Variants in CFAP53 observed in about 807,000 individuals in gnomAD.
The protein encoded by CFAP53 is cilia and flagella associated protein 53, also known as cilia- and flagella-associated protein 53.
A neutral mutation model predicts 59.7 loss-of-function variants in CFAP53; 62 were observed. That is an observed-to-expected ratio of 1.04 (90% CI 0.85 to 1.28). CFAP53 has a LOEUF of 1.28. Among genes scored for constraint, CFAP53 ranks in the 50% most tolerant of loss-of-function variants. The probability of loss-of-function intolerance (pLI) is 0.00; values close to 1 mark genes in which losing one functional copy is unlikely to be tolerated. For synonymous variants in CFAP53, 218 were observed against 205.7 expected (o/e 1.06, Z -0.51); for missense variants, 629 against 615.6 (o/e 1.02, Z -0.23).
chr18:50,262,856 A>G (rs539815042), intron 1 of CFAP53, among the ~76,000 whole-genome samples: 1 of 152,224 alleles, frequency 6.6e-6, no homozygotes, highest in South Asian at 2.1e-4. Flanking sequence ...AGGGAAAAGA[A>G]AAAAAGCTGG....
chr18:50,227,840 C>T (rs139224417), intron 7 of CFAP53, among the ~76,000 whole-genome samples: 5 of 151,582 alleles, frequency 3.3e-5, no homozygotes, highest in South Asian at 4.2e-4. Context: ...CTTCCCTGCT[C>T]GTAATGTTCA....
chr18:50,259,595 G>T (rs986133061), intron 3 of CFAP53, among the ~76,000 whole-genome samples: 1 of 151,988 alleles, frequency 6.6e-6, no homozygotes, highest in Non-Finnish European at 1.5e-5. Flanking sequence ...CACCATGCCC[G>T]GCTAATTTTT....
At chr18:50,258,626 T>C (rs2033865460) in intron 3 of CFAP53, among the ~76,000 whole-genome samples, 2 of 152,156 alleles carry the variant, frequency 1.3e-5, no homozygotes, top group Non-Finnish European at 2.9e-5. Flanking sequence ...GTTAAAAAGC[T>C]TCTGCACAGC....
In CFAP53 at chr18:50,261,234, T is replaced by G; in HGVS notation, c.303A>C (p.Leu101=). The G allele has an allele frequency of 7.0e-7, 1 of 1,437,304 alleles. No homozygotes were observed. The allele number at this position is 1,437,304 out of a possible 1,614,324, so 89.0% of individuals were successfully genotyped here. The change falls in exon 3 of 8, where the codon CTA becomes CTC. Residue 101 remains leucine (L), a synonymous_variant. Transcript: ENST00000398545. ...IINIEERRNK[L]RELLALEENE... ...TTTCTTCTAATGCTAAAAGCTCACGTAGCCTGAAACAAAAAGCCAAAAAAA... is the reference window on the plus strand; with the variant it reads ...TTTCTTCTAATGCTAAAAGCTCACGGAGCCTGAAACAAAAAGCCAAAAAAA...
At chr18:50,237,694 T>A (rs2033651323) in intron 7 of CFAP53, among the ~76,000 whole-genome samples, 1 of 151,988 alleles carries the variant, frequency 6.6e-6, no homozygotes, top group African/African-American at 2.4e-5. Context: ...GGGAAGAGAC[T>A]GAGATGGTAT....
chr18:50,227,728 T>C lies in CFAP53; in HGVS notation c.1317-119A>G, dbSNP rs75546967. Reference sequence around the variant, plus strand: ...AATTAAATTCCCATTAAAATCAGGGTGAGTGGAGAAGAAATAGATGAAAAA... The same window carrying C: ...AATTAAATTCCCATTAAAATCAGGGCGAGTGGAGAAGAAATAGATGAAAAA... On this transcript the variant is annotated intron_variant, in intron 7 of 7. Coordinates refer to ENST00000398545, the MANE Select transcript of CFAP53 (RefSeq NM_145020.5). The C allele has an allele frequency of 4.2e-3, 3,161 of 752,606 alleles. 65 individuals are homozygous for C. In the African/African-American group the frequency reaches 0.047, roughly 11 times the overall value. The allele number at this position is 752,606 out of a possible 1,614,324, so 46.6% of individuals were successfully genotyped here.
At chr18:50,241,960 T>C (rs977549106) in intron 6 of CFAP53, among the ~76,000 whole-genome samples, 17 of 152,120 alleles carry the variant, frequency 1.1e-4, no homozygotes, top group African/African-American at 2.9e-4. Context: ...TCAGTCCTTA[T>C]CTCAACCGCA....
At chr18:50,240,703 A>T (rs1388931026) in intron 6 of CFAP53, among the ~76,000 whole-genome samples, 1 of 152,168 alleles carries the variant, frequency 6.6e-6, no homozygotes, top group African/African-American at 2.4e-5. Flanking sequence ...CAGCATATAA[A>T]CTTTCTACGC....
At chr18:50,239,988 T>C (rs1185237905) in intron 6 of CFAP53, among the ~76,000 whole-genome samples, 1 of 152,258 alleles carries the variant, frequency 6.6e-6, no homozygotes, top group Non-Finnish European at 1.5e-5. Flanking sequence ...AAAGAATCAA[T>C]ATGTCAGTAT....
At chr18:50,260,176 T>G (rs1419896424) in intron 3 of CFAP53, among the ~76,000 whole-genome samples, 1 of 152,098 alleles carries the variant, frequency 6.6e-6, no homozygotes, top group East Asian at 1.9e-4. Context: ...CAGAGTATCC[T>G]ACGATGGAAA....
chr18:50,231,444 T>C (rs1326584434), intron 7 of CFAP53, among the ~76,000 whole-genome samples: 1 of 152,200 alleles, frequency 6.6e-6, no homozygotes, highest in Non-Finnish European at 1.5e-5. Context: ...TTTCCCAACT[T>C]AGGAACCTCA....
chr18:50,261,418 A>G (rs1438900282), intron 2 of CFAP53, among the ~76,000 whole-genome samples, 181 bp from the exon 3 acceptor site: 2 of 152,064 alleles, frequency 1.3e-5, no homozygotes, highest in Admixed American at 1.3e-4. Flanking sequence ...GTTTTGAGAC[A>G]GGATCTCGCT....
chr18:50,243,680 A>C (rs1375791276), intron 5 of CFAP53, among the ~76,000 whole-genome samples: 1 of 152,178 alleles, frequency 6.6e-6, no homozygotes, highest in Admixed American at 6.5e-5. Flanking sequence ...GGCTGGGCTC[A>C]GTGGCTCAAG....
At position 50,241,523 on chromosome 18, in the gene CFAP53, C is replaced by G. The variant is rs937019705; in HGVS notation, c.1213+1377G>C. 1.1e-4 allele frequency among the ~76,000 whole-genome samples: 17 copies of G among 152,124 alleles called. 1 individual carries two copies. The highest frequency in any genetic ancestry group is 1.1e-3 in the Admixed American group (17 of 15,270). ...TTGGGGGAACCAGCCCCCAATATTT[C>G]AACGTAGGTCCTTTCTATTTTCCCT... On this transcript the variant is annotated intron_variant, in intron 6 of 7. Coordinates refer to ENST00000398545, the MANE Select transcript of CFAP53 (RefSeq NM_145020.5).
intron 6 of CFAP53, among the ~76,000 whole-genome samples, chr18:50,240,341 C>T (rs554402577): frequency 1.1e-4 from 16 of 152,334 alleles, no homozygotes; most frequent in Middle Eastern, 3.4e-3. Context: ...ATTCCAATTA[C>T]CTGCTCTGCC....
chr18:50,235,408 A>G (rs1487683685), intron 7 of CFAP53, among the ~76,000 whole-genome samples: 1 of 151,988 alleles, frequency 6.6e-6, no homozygotes, highest in Non-Finnish European at 1.5e-5. Flanking sequence ...TCTACTAAAA[A>G]TTACAAAAAT....
rs371092936 is a variant in CFAP53, at chr18:50,261,105, C to T, written c.432G>A (p.Glu144=). 2.5e-6 allele frequency: 4 copies of T among 1,601,160 alleles called. No individual in the cohort carries two copies. Among genetic ancestry groups the T allele is most frequent in the Non-Finnish European group, 3.4e-6 (4 of 1,177,046 alleles). ...TKLLKEKNEK[E]RQDFVAEKLD... Reference sequence around the variant, plus strand: ...GCTTTTCAGCCACAAAATCCTGCCTCTCTTTTTCATTCTTCTCTTTTAGTA... The same window carrying T: ...GCTTTTCAGCCACAAAATCCTGCCTTTCTTTTTCATTCTTCTCTTTTAGTA... The change falls in exon 3 of 8, where the codon GAG becomes GAA. Residue 144 remains glutamate (E), a synonymous_variant. Transcript: ENST00000398545.
chr18:50,251,703 T>G lies in CFAP53; in HGVS notation c.555A>C (p.Ala185=). The G allele has an allele frequency of 6.2e-7, 1 of 1,614,244 alleles. No individual in the cohort carries two copies. The highest frequency in any genetic ancestry group is 8.5e-7 in the Non-Finnish European group (1 of 1,180,042). ...TTTGCCTGCTCAGCTCCTCATTAAA[T>G]GCAATCTGTGCTTTCCGCTCCTCAC... ...KVCEERKAQI[A]FNEELSRQKL... The change falls in exon 4 of 8, where the codon GCA becomes GCC. Residue 185 remains alanine (A), a synonymous_variant. Transcript: ENST00000398545.
intron 3 of CFAP53, among the ~76,000 whole-genome samples, chr18:50,253,871 C>T (rs1460705756): frequency 6.6e-6 from 1 of 152,166 alleles, no homozygotes; most frequent in Non-Finnish European, 1.5e-5. Flanking sequence ...TCTGACCAAA[C>T]ATCCTAGGGT....
Sources: gnomAD v4.1 joint callset for allele counts (sites outside exome capture counted in the v4.1 genomes callset) on GRCh38, gnomAD v4.1.1 for gene constraint, MANE v1.5 for transcripts, NCBI Gene and HGNC (gene_info 2026-07-23, HGNC 2026-07-21) for gene names.